Variants in MAP2 observed in about 807,000 individuals in gnomAD.
MAP2 encodes the protein microtubule associated protein 2.
A neutral mutation model predicts 137.6 loss-of-function variants in MAP2; 14 were observed. That is an observed-to-expected ratio of 0.10 (90% CI 0.07 to 0.16). MAP2 has a LOEUF of 0.16. MAP2 is among the 10% of genes least tolerant of loss of function. The pLI is 1.00. For missense variants in MAP2, 2,088 were observed against 2,191.5 expected, an observed-to-expected ratio of 0.95 and a Z score of 0.94; for synonymous variants, 786 against 782.3, an observed-to-expected ratio of 1.00 and a Z score of -0.08.
intron 5 of MAP2, among the ~76,000 whole-genome samples, chr2:209,656,770 T>A (rs1156977873): frequency 6.6e-6 from 1 of 152,192 alleles, no homozygotes; most frequent in Non-Finnish European, 1.5e-5. Flanking sequence ...CTTTGTTTTT[T>A]GTTTTTAATT....
At chr2:209,698,204 T>C (rs2060783813) in intron 10 of MAP2, among the ~76,000 whole-genome samples, 1 of 152,282 alleles carries the variant, frequency 6.6e-6, no homozygotes, top group East Asian at 1.9e-4. Flanking sequence ...TTTATAAAAC[T>C]GGTAAAACAA....
At chr2:209,475,622 A>G (rs1707007570) in intron 1 of MAP2, among the ~76,000 whole-genome samples, 1 of 152,142 alleles carries the variant, frequency 6.6e-6, no homozygotes, top group South Asian at 2.1e-4. Flanking sequence ...CAAGTAGGAA[A>G]CAACCATTTT....
At chr2:209,730,084 GA>G (rs2075541880) in intron 15 of MAP2, 97 bp from the exon 16 acceptor site, 2 of 1,176,530 alleles carry the variant, frequency 1.7e-6, no homozygotes, top group Admixed American at 3.7e-5. Context: ...TAACAGAGGT[GA>G]ATAGAAGTCA....
chr2:209,708,366 C>T (rs2064168086), intron 12 of MAP2, among the ~76,000 whole-genome samples: 1 of 152,300 alleles, frequency 6.6e-6, no homozygotes, highest in African/African-American at 2.4e-5. Context: ...GTCTAACTAT[C>T]TTGTGCCCTG....
At position 209,725,704 on chromosome 2, in the gene MAP2, C is replaced by T. The variant is rs576460080; in HGVS notation, c.5074-5C>T. On this transcript the variant is annotated splice_region_variant and splice_polypyrimidine_tract_variant and intron_variant, in intron 13 of 15. Transcript: ENST00000682079. ...TTTTAAGCATGTTTTATGTGGTTCA[C>T]ATAGGTACAAATTGTTACCAAGAAA... 18 of 1,586,214 alleles carry T rather than the reference C, an allele frequency of 1.1e-5. No individual in the cohort carries two copies. The South Asian group carries it at 2.0e-4, about 17-fold the overall frequency.
At chr2:209,594,470 C>A (rs538371225) in intron 3 of MAP2, among the ~76,000 whole-genome samples, 20 of 152,274 alleles carry the variant, frequency 1.3e-4, no homozygotes, top group Non-Finnish European at 2.5e-4. Flanking sequence ...TTGGGGTTTC[C>A]TCAGGTTTCT....
intron 3 of MAP2, among the ~76,000 whole-genome samples, chr2:209,593,871 T>G: frequency 1.8e-5 from 2 of 108,624 alleles, no homozygotes; most frequent in African/African-American, 7.1e-5. Flanking sequence ...TATATTTATA[T>G]TATAAAAATA....
At chr2:209,700,602 G>A (rs2061510176) in intron 11 of MAP2, among the ~76,000 whole-genome samples, 1 of 151,990 alleles carries the variant, frequency 6.6e-6, no homozygotes, top group African/African-American at 2.4e-5. Flanking sequence ...ACAATGATAT[G>A]GCAAAAGTAA....
intron 2 of MAP2, among the ~76,000 whole-genome samples, chr2:209,510,398 C>A (rs900821364): frequency 1.3e-5 from 2 of 152,064 alleles, no homozygotes; most frequent in African/African-American, 2.4e-5. Context: ...TTATAAATAG[C>A]CCTGCAATAA....
intron 1 of MAP2, among the ~76,000 whole-genome samples, chr2:209,449,354 T>C (rs999208061): frequency 6.6e-6 from 1 of 152,174 alleles, no homozygotes; most frequent in Non-Finnish European, 1.5e-5. Flanking sequence ...ATTCCAGAAC[T>C]ACAAAAATAC....
At chr2:209,474,130 G>T (rs1273128916) in intron 1 of MAP2, among the ~76,000 whole-genome samples, 1 of 104 alleles carries the variant, frequency 9.6e-3, no homozygotes, top group Non-Finnish European at 0.022. Flanking sequence ...CTCTATAGTG[G>T]TTTACCAAGG....
chr2:209,642,828 A>C (rs991767389), intron 4 of MAP2, among the ~76,000 whole-genome samples: 2 of 152,214 alleles, frequency 1.3e-5, no homozygotes, highest in African/African-American at 2.4e-5. Context: ...CTTATTAACA[A>C]ATGTTTAAGC....
In MAP2 at chr2:209,731,723, A is replaced by G. The variant is rs942703957; in HGVS notation, c.*1326A>G. On this transcript the variant is annotated 3_prime_UTR_variant, in exon 16 of 16. Coordinates refer to ENST00000682079, the MANE Select transcript of MAP2 (RefSeq NM_001375505.1). ...TTTCCAAATAGTATCTGTTTATTAA[A>G]TTCTCTAATAGAAGATGTTTGTCTT... The G allele has an allele frequency of 2.0e-5, 3 of 152,374 alleles. No individual in the cohort carries two copies. Among genetic ancestry groups the G allele is most frequent in the African/African-American group, 7.2e-5 (3 of 41,434 alleles). The allele number at this position is 152,374 out of a possible 1,614,324, so 9.4% of individuals were successfully genotyped here. A position where few individuals can be genotyped will look rare whatever the true frequency, so the allele number is the denominator to read the frequency against.
intron 2 of MAP2, among the ~76,000 whole-genome samples, chr2:209,540,841 A>C (rs1314672643): frequency 6.6e-6 from 1 of 150,454 alleles, no homozygotes; most frequent in Non-Finnish European, 1.5e-5. Context: ...TGTATGCATT[A>C]TACAGACGTA....
At chr2:209,705,248 TAATA>T (rs2063054154) in intron 11 of MAP2, 1 of 170,304 alleles carries the variant, frequency 5.9e-6, no homozygotes, top group African/African-American at 2.4e-5. Flanking sequence ...CCTTTCTGAT[TAATA>T]AATTATCATG....
At position 209,444,849 on chromosome 2, in the gene MAP2, A is replaced by C. The variant is rs565080949; in HGVS notation, c.-222+20573A>C. Among the ~76,000 whole-genome samples the C allele has an allele frequency of 1.0e-3, 158 of 151,624 alleles. 1 individual carries two copies. Among genetic ancestry groups the C allele is most frequent in the African/African-American group, 3.6e-3 (148 of 41,504 alleles). On this transcript the variant is annotated intron_variant, in intron 1 of 15. Coordinates refer to ENST00000682079, the MANE Select transcript of MAP2 (RefSeq NM_001375505.1). ...AATTTTTAAAAATAGTATATTTTTAAAATTTTAAAGTACTTTATAAAATCT... is the reference window on the plus strand; with the variant it reads ...AATTTTTAAAAATAGTATATTTTTACAATTTTAAAGTACTTTATAAAATCT...
intron 1 of MAP2, among the ~76,000 whole-genome samples, chr2:209,490,589 C>T (rs546940295): frequency 3.0e-4 from 16 of 54,040 alleles, no homozygotes; most frequent in Non-Finnish European, 5.0e-4. Flanking sequence ...GGAAGATTTA[C>T]CAAGCAAATG....
At chr2:209,484,484 G>T (rs1448902108) in intron 1 of MAP2, among the ~76,000 whole-genome samples, 1 of 152,178 alleles carries the variant, frequency 6.6e-6, no homozygotes, top group Non-Finnish European at 1.5e-5. Flanking sequence ...CAGGTCAGCA[G>T]TTCGAGACCA....
chr2:209,678,297 G>A (rs993737142), intron 5 of MAP2, among the ~76,000 whole-genome samples: 1 of 151,932 alleles, frequency 6.6e-6, no homozygotes, highest in Non-Finnish European at 1.5e-5. Flanking sequence ...AATTTCTGTT[G>A]TTGAAGCCAA....
Sources: gnomAD v4.1 joint callset for allele counts (sites outside exome capture counted in the v4.1 genomes callset) on GRCh38, gnomAD v4.1.1 for gene constraint, MANE v1.5 for transcripts, NCBI Gene and HGNC (gene_info 2026-07-23, HGNC 2026-07-21) for gene names.